The following RARA variants were observed in gnomAD, a reference collection of about 807,000 sequenced individuals.
RARA encodes the protein PML-DDX5-RARA fusion.
In RARA, 5 loss-of-function variants were observed where a neutral mutation model predicts 42.8. The ratio of observed to expected loss-of-function variants is 0.12; its 90% CI spans 0.06 to 0.25. The LOEUF (loss-of-function observed/expected upper bound fraction) is 0.25, where lower values mean the gene tolerates loss of function less well. Among genes scored for constraint, RARA ranks in the 10% least tolerant of loss-of-function variants. RARA has a pLI of 1.00. For synonymous variants in RARA, 256 were observed against 259.5 expected, an observed-to-expected ratio of 0.99 and a Z score of 0.13; for missense variants, 402 against 628.7, an observed-to-expected ratio of 0.64 and a Z score of 3.86.
At chr17:40,342,307 G>A (rs1011641411) in intron 2 of RARA, 102 of 1,066,972 alleles carry the variant, frequency 9.6e-5, no homozygotes, top group Non-Finnish European at 1.1e-4. Context: ...GGAGGAGGAA[G>A]TGCTCGTTGA....
At chr17:40,344,696 TGGGTTTC>T (rs1041673017) in intron 2 of RARA, among the ~76,000 whole-genome samples, 6 of 152,214 alleles carry the variant, frequency 3.9e-5, no homozygotes, top group Non-Finnish European at 2.9e-5. Flanking sequence ...CCTAGAGGCC[TGGGTTTC>T]CAGTTCCCGT....
At chr17:40,330,112 C>T (rs1249071946) in intron 1 of RARA, among the ~76,000 whole-genome samples, 1 of 152,176 alleles carries the variant, frequency 6.6e-6, no homozygotes, top group Non-Finnish European at 1.5e-5. Flanking sequence ...TGCCCACCTC[C>T]CACCCCAGTT....
At chr17:40,353,560 G>A (rs923660969) in intron 6 of RARA, among the ~76,000 whole-genome samples, 2 of 152,136 alleles carry the variant, frequency 1.3e-5, no homozygotes, top group African/African-American at 2.4e-5. Context: ...GGGTTCAAGC[G>A]ATTCTCCTGC....
At chr17:40,339,880 G>C (rs2033977924) in intron 2 of RARA, among the ~76,000 whole-genome samples, 1 of 152,122 alleles carries the variant, frequency 6.6e-6, no homozygotes. Context: ...TCATTTGAAA[G>C]ATCCCGAAGG....
chr17:40,354,286 C>G lies in RARA; in HGVS notation c.808-16C>G, dbSNP rs370313369. 6 of 1,612,648 alleles carry G rather than the reference C, an allele frequency of 3.7e-6. No individual in the cohort carries two copies. In the African/African-American group the frequency reaches 6.7e-5, roughly 18 times the overall value. ...TTCGGGTTCAGTCCCTGAACCCAAG[C>G]ATCCTCTGCACCCAGATCCTGCGGA... On this transcript the variant is annotated splice_polypyrimidine_tract_variant and intron_variant, in intron 6 of 8. Coordinates refer to ENST00000254066, the MANE Select transcript of RARA (RefSeq NM_000964.4). This position sits in a 1 kb window ranked among gnomAD's most constrained non-coding sequence, Gnocchi z 4.5.
rs544449648 is a variant in RARA, at chr17:40,322,484, G to A, written c.-362-8373G>A. 2.6e-5 allele frequency among the ~76,000 whole-genome samples: 4 copies of A among 152,166 alleles called. No homozygotes were observed. The South Asian group carries it at 8.3e-4, about 32-fold the overall frequency. ...CAGTCTCCATGTGTCACTGTACCCC[G>A]CAGGCAGTGTCACCGTGACCCACTC... On this transcript the variant is annotated intron_variant, in intron 1 of 8. Transcript: ENST00000254066.
rs1346758189 is a variant in RARA, at chr17:40,351,543, C to T, written c.470-367C>T. The T allele has an allele frequency of 3.4e-5, 16 of 470,106 alleles. No homozygotes were observed. Among genetic ancestry groups the T allele is most frequent in the South Asian group, 6.3e-5 (4 of 63,382 alleles). The allele number at this position is 470,106 out of a possible 1,614,324, so 29.1% of individuals were successfully genotyped here. A position where few individuals can be genotyped will look rare whatever the true frequency, so the allele number is the denominator to read the frequency against. ...GCTGGGAGGGCTGGGTGAGTGGAGGCGGGAGAAGGACCTTCCTGGGGAAAG... is the reference window on the plus strand; with the variant it reads ...GCTGGGAGGGCTGGGTGAGTGGAGGTGGGAGAAGGACCTTCCTGGGGAAAG... On this transcript the variant is annotated intron_variant, in intron 4 of 8. Transcript: ENST00000254066. The surrounding 1 kb of genome is among the most constrained non-coding windows in gnomAD (Gnocchi z 4.1).
At chr17:40,331,963 T>A (rs1360901069) in intron 2 of RARA, among the ~76,000 whole-genome samples, 1 of 152,082 alleles carries the variant, frequency 6.6e-6, no homozygotes, top group Non-Finnish European at 1.5e-5. Context: ...ACGGTCTAGC[T>A]GGGTGGATAG....
intron 1 of RARA, among the ~76,000 whole-genome samples, chr17:40,319,078 C>T (rs897479616): frequency 1.3e-5 from 2 of 152,192 alleles, no homozygotes; most frequent in African/African-American, 4.8e-5. Context: ...AATAGACTGA[C>T]TTGTCGACTT....
intron 1 of RARA, 121 bp from the exon 2 acceptor site, chr17:40,330,736 G>C (rs1261162125): frequency 5.0e-6 from 1 of 198,882 alleles, no homozygotes; most frequent in African/African-American, 2.3e-5. Flanking sequence ...CATGGTGCCA[G>C]CTGTCTGCTC....
At chr17:40,348,293 C>T (rs1378487804) in intron 2 of RARA, 23 bp from the exon 3 acceptor site, 1 of 1,539,574 alleles carries the variant, frequency 6.5e-7, no homozygotes, top group South Asian at 1.3e-5. Context: ...TCTCTAACTG[C>T]CCCTCCCCTC....
chr17:40,318,757 A>C (rs2033279222), intron 1 of RARA, among the ~76,000 whole-genome samples: 1 of 152,212 alleles, frequency 6.6e-6, no homozygotes, highest in Non-Finnish European at 1.5e-5. Context: ...TTTCTCTTTA[A>C]TGATAAGCAA....
rs183204850 is a variant in RARA at position 40,356,390 on chromosome 17, A to T, written c.*164A>T. On this transcript the variant is annotated 3_prime_UTR_variant, in exon 9 of 9. Coordinates refer to ENST00000254066, the MANE Select transcript of RARA (RefSeq NM_000964.4). ...GAGGGAGGAGGCAGCGACTCCTTGGACAGAGGCCTGGGCCCTCAGTGGACT... is the reference window on the plus strand; with the variant it reads ...GAGGGAGGAGGCAGCGACTCCTTGGTCAGAGGCCTGGGCCCTCAGTGGACT... 2.0e-4 allele frequency: 165 copies of T among 828,696 alleles called. No homozygotes were observed. The African/African-American group carries it at 2.6e-3, about 13-fold the overall frequency. 51.3% of individuals were successfully genotyped at this position (828,696 alleles called of 1,614,324 possible).
chr17:40,327,929 C>T (rs555290196), intron 1 of RARA, among the ~76,000 whole-genome samples: 55 of 152,206 alleles, frequency 3.6e-4, no homozygotes, highest in Non-Finnish European at 5.9e-4. Flanking sequence ...CCTCTGACAT[C>T]AGCCCTCTCA....
chr17:40,322,163 G>C (rs539527616), intron 1 of RARA, among the ~76,000 whole-genome samples: 3 of 152,196 alleles, frequency 2.0e-5, no homozygotes, highest in Admixed American at 2.0e-4. Flanking sequence ...TGCAGAGAAG[G>C]GGAGGGGGGT....
chr17:40,352,928 A>T lies in RARA; in HGVS notation c.807+421A>T, dbSNP rs1296017522. ...ACCTTATTTCTGCAAAAAACTAAAA[A>T]GATTCACCTAGGATCCTCTGGCCAG... On this transcript the variant is annotated intron_variant, in intron 6 of 8. Transcript: ENST00000254066. This position sits in a 1 kb window ranked among gnomAD's most constrained non-coding sequence, Gnocchi z 4.9. Among the ~76,000 whole-genome samples the T allele has an allele frequency of 2.6e-5, 4 of 152,168 alleles. No homozygotes were observed. The highest frequency in any genetic ancestry group is 5.9e-5 in the Non-Finnish European group (4 of 68,016).
chr17:40,342,533 G>A (rs2034100155), intron 2 of RARA: 1 of 1,325,662 alleles, frequency 7.5e-7, no homozygotes, highest in African/African-American at 1.5e-5. Flanking sequence ...GCGGCCGGCG[G>A]ACTTAGACGC....
Position 40,356,531 on chromosome 17 carries a change from C to G in RARA, c.*305C>G, listed in dbSNP as rs1417479246. On this transcript the variant is annotated 3_prime_UTR_variant, in exon 9 of 9. Transcript: ENST00000254066. ...GCCTCGTGTTCATCAAGACACCCCT[C>G]TGCCCAGCTCACCACATCTTCATCA... is the stretch of plus-strand genomic sequence containing the variant. 4.8e-6 allele frequency: 3 copies of G among 630,902 alleles called. No homozygotes were observed. Among genetic ancestry groups the G allele is most frequent in the Non-Finnish European group, 8.9e-6 (3 of 338,538 alleles). The allele number at this position is 630,902 out of a possible 1,614,324, so 39.1% of individuals were successfully genotyped here.
At chr17:40,350,031 C>G in intron 4 of RARA, 106 bp downstream of exon 4, 2 of 1,499,136 alleles carry the variant, frequency 1.3e-6, no homozygotes, top group Non-Finnish European at 1.8e-6. Context: ...CATGCATGAA[C>G]ACGCATGCCG....
Sources: gnomAD v4.1 joint callset for allele counts (sites outside exome capture counted in the v4.1 genomes callset) on GRCh38, gnomAD v4.1.1 for gene constraint, Gnocchi (gnomAD v3.1) non-coding constraint, MANE v1.5 for transcripts, NCBI Gene and HGNC (gene_info 2026-07-23, HGNC 2026-07-21) for gene names.